The following DAB1 variants were observed in gnomAD, a reference collection of about 807,000 sequenced individuals.
DAB1 encodes the protein DAB adaptor protein 1.
In DAB1, 15 loss-of-function variants were observed where a neutral mutation model predicts 64.6. That is an observed-to-expected ratio of 0.23 (90% confidence interval 0.16 to 0.36). DAB1 has a LOEUF of 0.36. Among genes scored for constraint, DAB1 ranks in the 10% least tolerant of loss-of-function variants. DAB1 has a pLI of 1.00. For synonymous variants in DAB1, 235 were observed against 251.9 expected (o/e 0.93, Z 0.64); for missense variants, 596 against 706.7 (o/e 0.84, Z 1.78).
At chr1:58,470,645 T>C (rs1259325211) in intron 3 of DAB1, among the ~76,000 whole-genome samples, 1 of 152,236 alleles carries the variant, frequency 6.6e-6, no homozygotes, top group Non-Finnish European at 1.5e-5. Context: ...AGTTTCTTTT[T>C]TGCCTATTGT....
intron 1 of DAB1, among the ~76,000 whole-genome samples, chr1:57,416,050 T>C (rs545844619): frequency 2.3e-4 from 35 of 152,306 alleles, no homozygotes; most frequent in African/African-American, 8.2e-4. Flanking sequence ...CATGATTTTG[T>C]ACCAAAAGCT....
chr1:57,412,769 A>G (rs1684208296), intron 1 of DAB1, among the ~76,000 whole-genome samples: 1 of 152,222 alleles, frequency 6.6e-6, no homozygotes, highest in Non-Finnish European at 1.5e-5. Flanking sequence ...GAAAGAAGCC[A>G]CCTCCATCAC....
intron 6 of DAB1, among the ~76,000 whole-genome samples, chr1:57,767,924 C>A (rs759631043): frequency 2.9e-4 from 44 of 151,838 alleles, no homozygotes; most frequent in Non-Finnish European, 5.9e-4. Flanking sequence ...CATCTGTAAT[C>A]CCAGCATTTT....
At chr1:58,526,239 A>G (rs76818407) in intron 2 of DAB1, among the ~76,000 whole-genome samples, 2,513 of 152,158 alleles carry the variant, frequency 0.017, 55 homozygotes, top group East Asian at 0.12. Flanking sequence ...GCAGTCTGAT[A>G]ATTCACTTAA....
chr1:57,803,525 G>C (rs1483790644), intron 6 of DAB1, among the ~76,000 whole-genome samples: 2 of 152,220 alleles, frequency 1.3e-5, no homozygotes, highest in African/African-American at 4.8e-5. Flanking sequence ...TGCATATGTG[G>C]AGGGACAAAC....
chr1:57,197,890 A>T (rs1247923960), intron 2 of DAB1, among the ~76,000 whole-genome samples: 3 of 152,246 alleles, frequency 2.0e-5, no homozygotes, highest in Non-Finnish European at 4.4e-5. Context: ...AATAAAGTAG[A>T]TTAAATTAAA....
intron 7 of DAB1, among the ~76,000 whole-genome samples, chr1:57,618,230 C>T (rs530347246): frequency 1.3e-5 from 2 of 152,210 alleles, no homozygotes; most frequent in Admixed American, 6.5e-5. Flanking sequence ...GCCTAGCCAA[C>T]ATGGTGAAAC....
chr1:58,344,588 T>C (rs1203714561), intron 3 of DAB1, among the ~76,000 whole-genome samples: 1 of 152,142 alleles, frequency 6.6e-6, no homozygotes, highest in Non-Finnish European at 1.5e-5. Flanking sequence ...GGAGAAGAAC[T>C]AGATAATCCG....
chr1:57,832,325 G>GA (rs987155145), intron 1 of DAB1, among the ~76,000 whole-genome samples: 6 of 151,996 alleles, frequency 3.9e-5, no homozygotes, highest in African/African-American at 1.2e-4. Context: ...GCCAATAAAT[G>GA]AAAAGAAAAA....
intron 1 of DAB1, among the ~76,000 whole-genome samples, chr1:57,406,416 C>T (rs940220205): frequency 1.3e-5 from 2 of 152,194 alleles, no homozygotes; most frequent in Non-Finnish European, 2.9e-5. Context: ...CCTGTCTCTT[C>T]CTGGGTCTTG....
chr1:57,703,494 C>T (rs1646931387), intron 6 of DAB1, among the ~76,000 whole-genome samples: 1 of 152,040 alleles, frequency 6.6e-6, no homozygotes, highest in South Asian at 2.1e-4. Context: ...GATACCATGT[C>T]GCACCAGTCA....
intron 6 of DAB1, among the ~76,000 whole-genome samples, chr1:57,763,582 G>T (rs1179685833): frequency 6.6e-6 from 1 of 152,170 alleles, no homozygotes; most frequent in African/African-American, 2.4e-5. Context: ...GGGAGGCAGA[G>T]GTAGGAGGAT....
intron 1 of DAB1, among the ~76,000 whole-genome samples, chr1:57,353,961 CT>C (rs1472239204): frequency 6.6e-6 from 1 of 152,174 alleles, no homozygotes; most frequent in Non-Finnish European, 1.5e-5. Flanking sequence ...ATTGTTTTTA[CT>C]GCAGTTAATC....
intron 1 of DAB1, among the ~76,000 whole-genome samples, chr1:57,831,107 G>T (rs2101904269): frequency 6.6e-6 from 1 of 152,126 alleles, no homozygotes. Flanking sequence ...TATAGACGGG[G>T]TTTCACCACG....
intron 6 of DAB1, among the ~76,000 whole-genome samples, chr1:57,796,666 A>G (rs1569715125): frequency 6.6e-6 from 1 of 152,112 alleles, no homozygotes; most frequent in Admixed American, 6.6e-5. Flanking sequence ...CACCCACTGG[A>G]GAAAGCAAAG....
intron 4 of DAB1, among the ~76,000 whole-genome samples, chr1:57,126,096 C>T (rs1006232706): frequency 5.9e-5 from 9 of 151,504 alleles, no homozygotes; most frequent in Non-Finnish European, 1.3e-4. Context: ...TTTCATATCG[C>T]AAATAGAAGA....
chr1:57,993,797 C>T (rs543832975), intron 5 of DAB1, among the ~76,000 whole-genome samples: 121 of 152,232 alleles, frequency 7.9e-4, no homozygotes, highest in African/African-American at 2.6e-3. Flanking sequence ...AGGTTTAGCT[C>T]GTTCCTTAGG....
intron 5 of DAB1, among the ~76,000 whole-genome samples, chr1:57,925,325 C>T (rs574029263): frequency 6.6e-6 from 1 of 152,330 alleles, no homozygotes; most frequent in African/African-American, 2.4e-5. Context: ...TTTCAAGCCA[C>T]TGGTTATATT....
chr1:58,333,924 T>C lies in DAB1; in HGVS notation n.309+9428A>G, dbSNP rs181990070. ...CCATCAGGATATCTAGAGGGGACTT[T>C]TGTTATTTGTGCCTTGTGGACCCCA... is the stretch of plus-strand genomic sequence containing the variant. On this transcript the variant is annotated intron_variant and non_coding_transcript_variant, in intron 4 of 20. Coordinates refer to the DAB1 transcript ENST00000485760. 1.5e-3 allele frequency among the ~76,000 whole-genome samples: 221 copies of C among 152,318 alleles called. 3 individuals are homozygous for C. The highest frequency in any genetic ancestry group is 5.0e-3 in the African/African-American group (207 of 41,576).
Sources: allele counts gnomAD v4.1 joint callset (sites outside exome capture counted in the v4.1 genomes callset), GRCh38; gene constraint gnomAD v4.1.1; transcripts MANE v1.5; gene names NCBI Gene and HGNC (gene_info 2026-07-23, HGNC 2026-07-21).